The following POLQ variants were observed in gnomAD, a reference collection of about 807,000 sequenced individuals.
POLQ encodes epididymis secretory sperm binding protein.
In POLQ, 233 loss-of-function variants were observed where a neutral mutation model predicts 259.2. The observed-to-expected ratio is 0.90, with a 90% CI of 0.81 to 1.00. POLQ has a LOEUF of 1.00. Ranked by LOEUF, POLQ falls within the 50% of genes least tolerant of loss-of-function variation. The pLI, the probability that POLQ is intolerant of heterozygous loss-of-function variation, is 0.00. For missense variants in POLQ, 2,871 were observed against 3,051.6 expected (o/e 0.94, Z 1.39); for synonymous variants, 1,025 against 1,048.8 (o/e 0.98, Z 0.44).
At chr3:121,472,616 A>G (rs1038547733) in intron 21 of POLQ, among the ~76,000 whole-genome samples, 1 of 152,160 alleles carries the variant, frequency 6.6e-6, no homozygotes, top group Admixed American at 6.6e-5. Flanking sequence ...TTTTCATACT[A>G]TAGACTTTCA....
In POLQ at chr3:121,488,083, T is replaced by C; in HGVS notation, c.4848A>G (p.Glu1616=). The C allele has an allele frequency of 6.2e-7, 1 of 1,614,014 alleles. No homozygotes were observed. Among genetic ancestry groups the C allele is most frequent in the Non-Finnish European group, 8.5e-7 (1 of 1,179,948 alleles). The change falls in exon 16 of 30, where the codon GAA becomes GAG. Residue 1616 remains glutamate, a synonymous_variant. Transcript: ENST00000264233. ...QDGGDQDERA[E]KSKLTGTRQN... ...GCCTGGTCCCAGTTAATTTTGATTT[T>C]TCAGCCCTTTCATCTTGATCTCCTC...
chr3:121,434,966 G>A (rs974001450), intron 28 of POLQ, among the ~76,000 whole-genome samples: 3 of 152,074 alleles, frequency 2.0e-5, no homozygotes, highest in Non-Finnish European at 2.9e-5. Flanking sequence ...AGAAGAGCCT[G>A]GACAACATGG....
At chr3:121,437,651 T>C (rs1280238528) in intron 27 of POLQ, among the ~76,000 whole-genome samples, 2 of 152,152 alleles carry the variant, frequency 1.3e-5, no homozygotes, top group South Asian at 4.1e-4. Context: ...TCTACTGAAG[T>C]TGAAAATATG....
At chr3:121,503,821 G>A (rs2048190501) in intron 12 of POLQ, among the ~76,000 whole-genome samples, 1 of 152,008 alleles carries the variant, frequency 6.6e-6, no homozygotes, top group Non-Finnish European at 1.5e-5. Context: ...TATTGTTTAG[G>A]GAATAATGAC....
chr3:121,494,950 T>C (rs1005197272), intron 14 of POLQ: 5 of 689,588 alleles, frequency 7.3e-6, no homozygotes, highest in Non-Finnish European at 1.1e-5. Context: ...ATAATTAAAA[T>C]AATACAAATT....
chr3:121,440,161 C>T (rs1363509097), intron 26 of POLQ, 45 bp from the exon 27 acceptor site: 3 of 1,505,382 alleles, frequency 2.0e-6, no homozygotes, highest in Middle Eastern at 1.7e-4. Flanking sequence ...CAAAGTCTAT[C>T]CTTCACTTCA....
At position 121,509,721 on chromosome 3, in the gene POLQ, T is replaced by A; in HGVS notation, c.1817-18A>T. On this transcript the variant is annotated intron_variant, in intron 11 of 29. Transcript: ENST00000264233. Reference sequence around the variant, plus strand: ...CACCTTTCCTGGTTTAGGGTTAGGGTGAGGAAACAGAGGAACAAACATTCA... The same window carrying A: ...CACCTTTCCTGGTTTAGGGTTAGGGAGAGGAAACAGAGGAACAAACATTCA... 1.3e-6 allele frequency: 2 copies of A among 1,595,664 alleles called. No individual in the cohort carries two copies. The highest frequency in any genetic ancestry group is 1.7e-6 in the Non-Finnish European group (2 of 1,172,856).
chr3:121,495,893 A>G (rs1220890050), intron 14 of POLQ, among the ~76,000 whole-genome samples: 1 of 148,676 alleles, frequency 6.7e-6, no homozygotes, highest in Admixed American at 6.8e-5. Flanking sequence ...CTCCCTTCCT[A>G]CCACTATCTC....
chr3:121,485,032 A>G lies in POLQ; in HGVS notation c.5773+9T>C. On this transcript the variant is annotated intron_variant, in intron 17 of 29. Transcript: ENST00000264233. ...TACATAGTGACTTAGCCAAATACTC[A>G]TTACTTACCAGAATGCTTTTGTTCC... 6.2e-7 allele frequency: 1 copy of G among 1,602,994 alleles called. No homozygotes were observed. Among genetic ancestry groups the G allele is most frequent in the Non-Finnish European group, 8.5e-7 (1 of 1,175,168 alleles).
intron 17 of POLQ, 100 bp from the exon 18 acceptor site, chr3:121,483,682 CAG>C: frequency 1.2e-6 from 1 of 865,400 alleles, no homozygotes; most frequent in East Asian, 2.8e-5. Flanking sequence ...GAAAAAGACT[CAG>C]AAGGCTAAGG....
intron 9 of POLQ, 134 bp from the exon 10 acceptor site, chr3:121,512,163 T>C (rs2048260452): frequency 1.4e-6 from 1 of 716,982 alleles, no homozygotes; most frequent in African/African-American, 1.8e-5. Context: ...AATAAAATTA[T>C]GGCTATTTTT....
intron 25 of POLQ, among the ~76,000 whole-genome samples, chr3:121,451,440 T>C (rs1043796709): frequency 1.3e-5 from 2 of 152,258 alleles, no homozygotes; most frequent in Non-Finnish European, 2.9e-5. Flanking sequence ...TGGTCTTTGA[T>C]GATGGTGACG....
In POLQ at chr3:121,509,673, G is replaced by C; in HGVS notation, c.1847C>G (p.Ser616Trp). 1.2e-6 allele frequency: 2 copies of C among 1,613,692 alleles called. No homozygotes were observed. The highest frequency in any genetic ancestry group is 1.7e-6 in the Non-Finnish European group (2 of 1,179,718). Reference sequence around the variant, plus strand: ...AGAAAGTGAAGAAGAAAGAGTGGCCGAACCAAGATGTGTTGGATGATACAC... The same window carrying C: ...AGAAAGTGAAGAAGAAAGAGTGGCCCAACCAAGATGTGTTGGATGATACAC... The part of the protein sequence containing the change: ...GKVYHPTHLG[S>W]ATLSSSLSPA... The change falls in exon 12 of 30, where the codon TCG becomes TGG. Residue 616 changes from serine to tryptophan, a missense_variant. Ser to Trp is a radical substitution (Grantham distance 177). Coordinates refer to ENST00000264233, the MANE Select transcript of POLQ (RefSeq NM_199420.4).
chr3:121,469,094 A>T (rs2047862153), intron 22 of POLQ, among the ~76,000 whole-genome samples: 1 of 150,686 alleles, frequency 6.6e-6, no homozygotes, highest in Admixed American at 6.7e-5. Context: ...AGGCTGTGGC[A>T]GGAGAATTGC....
In POLQ at chr3:121,479,055, T is replaced by C. The variant is rs189657347; in HGVS notation, c.6212-2322A>G. ...AATCGTTGGCTAAAAATTTCAAGAA[T>C]TAGTATTATACAACCATGTACTCGA... On this transcript the variant is annotated intron_variant, in intron 19 of 29. Coordinates refer to ENST00000264233, the MANE Select transcript of POLQ (RefSeq NM_199420.4). Among the ~76,000 whole-genome samples the C allele has an allele frequency of 3.8e-4, 58 of 152,234 alleles. 1 individual carries two copies. In the East Asian group the frequency reaches 6.2e-3, roughly 16 times the overall value.
chr3:121,465,291 T>C, intron 24 of POLQ, among the ~76,000 whole-genome samples: 1 of 151,972 alleles, frequency 6.6e-6, no homozygotes. Context: ...GGGGTCTCCC[T>C]TTGTTGCCCA....
chr3:121,544,930 A>G (rs1313993719), intron 1 of POLQ, 24 bp from the exon 2 acceptor site: 2 of 1,469,586 alleles, frequency 1.4e-6, no homozygotes, highest in East Asian at 4.6e-5. Flanking sequence ...GAAAAAATTA[A>G]AATTTAATTT....
rs776918950 is a variant in POLQ at position 121,472,031 on chromosome 3, A to G, written c.6677T>C (p.Met2226Thr). The change falls in exon 22 of 30, where the codon ATG becomes ACG. Residue 2226 changes from methionine to threonine, a missense_variant. Around this residue, in one of 3 missense-constraint regions of POLQ, gnomAD observed 2,080 missense variants for 2,126.0 expected, o/e 0.98. Coordinates refer to ENST00000264233, the MANE Select transcript of POLQ (RefSeq NM_199420.4). Reference sequence around the variant, plus strand: ...CTGTGATACAGGATAGATTCTTTCCATTCCAAGAAAAGGATTAAGACACTT... The same window carrying G: ...CTGTGATACAGGATAGATTCTTTCCGTTCCAAGAAAAGGATTAAGACACTT... ...REKCLNPFLG[M>T]ERIYPVSQSH... 1.3e-5 allele frequency: 20 copies of G among 1,578,976 alleles called. No individual in the cohort carries two copies. The highest frequency in any genetic ancestry group is 9.0e-5 in the East Asian group (4 of 44,420).
At chr3:121,532,968 T>C in intron 6 of POLQ, 22 bp downstream of exon 6, 2 of 1,374,038 alleles carry the variant, frequency 1.5e-6, no homozygotes, top group Non-Finnish European at 2.0e-6. Context: ...AAAATAGTAG[T>C]GATGTACATA....
Sources: allele counts gnomAD v4.1 joint callset (sites outside exome capture counted in the v4.1 genomes callset), GRCh38; gene constraint gnomAD v4.1.1; regional missense constraint gnomAD v4.1.1; transcripts MANE v1.5; gene names NCBI Gene and HGNC (gene_info 2026-07-23, HGNC 2026-07-21).